GNB1L: variants seen among roughly 807,000 people sequenced by gnomAD.
The protein encoded by GNB1L is guanine nucleotide-binding protein subunit beta-like protein 1.
A neutral mutation model predicts 29.1 loss-of-function variants in GNB1L; 20 were observed. The ratio of observed to expected loss-of-function variants is 0.69; its 90% CI spans 0.48 to 1.00. The LOEUF is 1.00. GNB1L is among the 50% of genes least tolerant of loss of function. The pLI is 0.00. For missense variants in GNB1L, 421 were observed against 464.9 expected (o/e 0.91, Z 0.87); for synonymous variants, 193 against 206.5 (o/e 0.93, Z 0.56).
chr22:19,833,432 G>A (rs543904902), intron 2 of GNB1L, among the ~76,000 whole-genome samples: 3 of 152,190 alleles, frequency 2.0e-5, no homozygotes, highest in South Asian at 2.1e-4. Context: ...TGGGCCAGGC[G>A]TGGTGGCTTA....
chr22:19,810,949 C>T (rs1329962339), intron 5 of GNB1L, among the ~76,000 whole-genome samples: 3 of 152,156 alleles, frequency 2.0e-5, no homozygotes, highest in Non-Finnish European at 2.9e-5. Context: ...GCAGGCTGAC[C>T]GAGTGCTGGC....
At chr22:19,800,292 C>T (rs994063866) in intron 7 of GNB1L, among the ~76,000 whole-genome samples, 1 of 152,226 alleles carries the variant, frequency 6.6e-6, no homozygotes, top group Non-Finnish European at 1.5e-5. Context: ...GGGCCCCTTC[C>T]TGGGGTCCTG....
chr22:19,853,067 C>T (rs561653287), intron 2 of GNB1L, among the ~76,000 whole-genome samples: 17 of 152,266 alleles, frequency 1.1e-4, no homozygotes, highest in African/African-American at 2.2e-4. Context: ...CCTGCTTCCC[C>T]GACAGAGCAG....
intron 2 of GNB1L, chr22:19,850,473 A>G (rs1398738298): frequency 9.9e-7 from 1 of 1,013,802 alleles, no homozygotes; most frequent in Non-Finnish European, 1.2e-6. Flanking sequence ...TTAGAGCTAC[A>G]GTGTTAACAC....
chr22:19,832,432 C>T (rs60181684), intron 2 of GNB1L, among the ~76,000 whole-genome samples: 1,619 of 152,294 alleles, frequency 0.011, 26 homozygotes, highest in African/African-American at 0.037. Flanking sequence ...CAGTGACCTA[C>T]ACAGAGACAT....
intron 4 of GNB1L, among the ~76,000 whole-genome samples, chr22:19,818,910 C>A (rs962473015): frequency 3.9e-5 from 6 of 152,184 alleles, no homozygotes; most frequent in African/African-American, 1.4e-4. Context: ...CAGCCCCCTG[C>A]AGGCCTTCCC....
chr22:19,839,687 T>G (rs1259432342), intron 2 of GNB1L, among the ~76,000 whole-genome samples: 1 of 152,088 alleles, frequency 6.6e-6, no homozygotes, highest in Non-Finnish European at 1.5e-5. Flanking sequence ...AAGACCAGCC[T>G]GGCTAACATG....
Position 19,788,127 on chromosome 22 carries a change from T to C in GNB1L, c.*582A>G. ...TCCCTCACAGGCACCTTTCTCTGCT[T>C]CACTCTTTAGGGAGTTCAGTTACTT... On this transcript the variant is annotated 3_prime_UTR_variant, in exon 8 of 8. Coordinates refer to ENST00000329517, the MANE Select transcript of GNB1L (RefSeq NM_053004.3). The C allele has an allele frequency of 5.9e-6, 1 of 169,736 alleles. No individual in the cohort carries two copies. Among genetic ancestry groups the C allele is most frequent in the Non-Finnish European group, 1.3e-5 (1 of 79,150 alleles). The allele number at this position is 169,736 out of a possible 1,614,324, so 10.5% of individuals were successfully genotyped here.
chr22:19,852,087 G>T, intron 2 of GNB1L: 1 of 1,614,220 alleles, frequency 6.2e-7, no homozygotes, highest in East Asian at 2.2e-5. Context: ...ATGGTCGTTC[G>T]CACACACACG....
chr22:19,796,508 GTTAA>G (rs918291765), intron 7 of GNB1L, among the ~76,000 whole-genome samples: 5 of 152,138 alleles, frequency 3.3e-5, no homozygotes, highest in African/African-American at 7.2e-5. Flanking sequence ...AGACCACAAT[GTTAA>G]TTAAGTTAGA....
intron 4 of GNB1L, 99 bp downstream of exon 4, chr22:19,820,499 A>C (rs1601335886): frequency 1.5e-6 from 2 of 1,333,624 alleles, no homozygotes; most frequent in Non-Finnish European, 2.1e-6. Context: ...TGGTTCCCCC[A>C]CCCCATTCTG....
intron 2 of GNB1L, among the ~76,000 whole-genome samples, chr22:19,823,087 G>C (rs1937591925): frequency 6.6e-6 from 1 of 152,166 alleles, no homozygotes; most frequent in African/African-American, 2.4e-5. Flanking sequence ...CCTGGCGAGA[G>C]ACCTCGGGCA....
intron 7 of GNB1L, among the ~76,000 whole-genome samples, chr22:19,791,090 A>G (rs559976969): frequency 6.6e-6 from 1 of 152,242 alleles, no homozygotes; most frequent in East Asian, 1.9e-4. Context: ...TTAATTAGCC[A>G]TGCATGCTGG....
intron 3 of GNB1L, 119 bp from the exon 4 acceptor site, chr22:19,820,842 C>A: frequency 8.2e-7 from 1 of 1,217,914 alleles, no homozygotes; most frequent in Non-Finnish European, 1.2e-6. Context: ...GCTGAAAAGC[C>A]AACAGCTCTA....
chr22:19,801,149 A>G (rs1937365914), intron 7 of GNB1L, among the ~76,000 whole-genome samples: 1 of 152,188 alleles, frequency 6.6e-6, no homozygotes, highest in Non-Finnish European at 1.5e-5. Flanking sequence ...CTCACGGGAC[A>G]TGCAGCTCCC....
At chr22:19,823,593 T>C (rs1333333315) in intron 2 of GNB1L, among the ~76,000 whole-genome samples, 1 of 152,172 alleles carries the variant, frequency 6.6e-6, no homozygotes, top group African/African-American at 2.4e-5. Flanking sequence ...GAGTCCAGGA[T>C]GGAGGGTCCC....
chr22:19,851,978 T>A (rs1403942616), intron 2 of GNB1L: 1 of 1,614,122 alleles, frequency 6.2e-7, no homozygotes. Flanking sequence ...CCAGCAGAAG[T>A]CCACCCTGTG....
chr22:19,813,773 T>C (rs1937515150), intron 4 of GNB1L, among the ~76,000 whole-genome samples: 1 of 152,054 alleles, frequency 6.6e-6, no homozygotes, highest in Non-Finnish European at 1.5e-5. Flanking sequence ...GGCAGGAGGA[T>C]TGCTTGAGCC....
intron 6 of GNB1L, among the ~76,000 whole-genome samples, chr22:19,805,773 C>A (rs1005204930): frequency 6.6e-6 from 1 of 150,788 alleles, no homozygotes; most frequent in Admixed American, 6.6e-5. Context: ...CAGAGCGAGA[C>A]TCCATCACAA....
Sources: allele counts gnomAD v4.1 joint callset (sites outside exome capture counted in the v4.1 genomes callset), GRCh38; gene constraint gnomAD v4.1.1; transcripts MANE v1.5; gene names NCBI Gene and HGNC (gene_info 2026-07-23, HGNC 2026-07-21).